ZNF211: variants seen among roughly 807,000 people sequenced by gnomAD.
ZNF211 encodes zinc finger protein C2H2-25.
Under a neutral mutation model 12.1 loss-of-function variants are expected in ZNF211, and 18 were observed. That is an observed-to-expected ratio of 1.48 (90% CI 1.03 to 2.20). The LOEUF (loss-of-function observed/expected upper bound fraction) is 2.20, where lower values mean the gene tolerates loss of function less well. Among genes scored for constraint, ZNF211 ranks in the 30% most tolerant of loss-of-function variants. ZNF211 has a pLI of 0.00. For missense variants in ZNF211, 677 were observed against 703.1 expected (o/e 0.96, Z 0.42); for synonymous variants, 249 against 246.0 (o/e 1.01, Z -0.11).
chr19:57,641,712 G>A lies in ZNF211; in HGVS notation c.1265G>A (p.Ser422Asn). 1 of 1,613,546 alleles carries A rather than the reference G, an allele frequency of 6.2e-7. No individual in the cohort carries two copies. The highest frequency in any genetic ancestry group is 8.5e-7 in the Non-Finnish European group (1 of 1,179,910). The change falls in exon 4 of 4, where the codon AGC (serine) becomes AAC (asparagine). Residue 422 changes from serine (S) to asparagine (N), a missense_variant. Physicochemically the swap from Ser to Asn is conservative, Grantham distance 46 (BLOSUM62 1). Coordinates refer to ENST00000240731, the MANE Select transcript of ZNF211 (RefSeq NM_006385.5). ...CNECGKSFSRSSSLIHHRRLH... is the reference protein window; with the variant it reads ...CNECGKSFSRNSSLIHHRRLH... ...GAATGTGGAAAATCCTTTAGCCGAAGCTCCAGCCTCATTCACCACCGGAGA... is the reference window on the plus strand; with the variant it reads ...GAATGTGGAAAATCCTTTAGCCGAAACTCCAGCCTCATTCACCACCGGAGA...
chr19:57,637,634 T>C (rs192411997), intron 3 of ZNF211, among the ~76,000 whole-genome samples: 156 of 152,320 alleles, frequency 1.0e-3, no homozygotes, highest in Admixed American at 2.1e-3. Context: ...TAATATGCTG[T>C]TGAATTCAGT....
chr19:57,641,264 A>G lies in ZNF211; in HGVS notation c.817A>G (p.Ser273Gly), dbSNP rs1174781163. The G allele has an allele frequency of 1.2e-6, 2 of 1,614,126 alleles. No homozygotes were observed. Among genetic ancestry groups the G allele is most frequent in the African/African-American group, 2.7e-5 (2 of 74,958 alleles). Residue 273 changes from serine (S) to glycine (G), a missense_variant, in exon 4 of 4, where the codon AGT becomes GGT. By Grantham distance (56) the Ser-to-Gly change is moderately conservative. Transcript: ENST00000240731. ...ILTREGLFEC[S>G]KCGKACTRRC... ...CACTAGAGAAGGACTTTTTGAGTGC[A>G]GTAAATGTGGGAAAGCATGTACGCG...
chr19:57,641,345 TGCAA>T lies in ZNF211; in HGVS notation c.899_902del (p.Cys300LeufsTer97). 1 of 1,614,204 alleles carries T rather than the reference TGCAA, an allele frequency of 6.2e-7. No individual in the cohort carries two copies. The highest frequency in any genetic ancestry group is 8.5e-7 in the Non-Finnish European group (1 of 1,180,050). ...CCACAGTGAAGAAAGGCCTTATGAA[TGCAA>T]TGAATGTGGAAAATTCTTTACCTAC... On this transcript the variant is annotated frameshift_variant, in exon 4 of 4. Transcript: ENST00000240731. LOFTEE classifies it low-confidence loss of function (END_TRUNC).
intron 3 of ZNF211, chr19:57,635,060 A>C: frequency 1.5e-6 from 1 of 668,260 alleles, no homozygotes; most frequent in Non-Finnish European, 1.8e-6. Flanking sequence ...CGTGTACCTA[A>C]CATTTATTTG....
At position 57,633,986 on chromosome 19, in the gene ZNF211, A is replaced by G. The variant is rs200629079; in HGVS notation, c.91-37A>G. On this transcript the variant is annotated intron_variant, in intron 1 of 3. Coordinates refer to ENST00000240731, the MANE Select transcript of ZNF211 (RefSeq NM_006385.5). Reference sequence around the variant, plus strand: ...AGGCCTGTGCCCATGGAGCACTGCCATGATCACATTCCTCTGAGGCCTGCG... The same window carrying G: ...AGGCCTGTGCCCATGGAGCACTGCCGTGATCACATTCCTCTGAGGCCTGCG... 114 of 1,597,626 alleles carry G rather than the reference A, an allele frequency of 7.1e-5. No individual in the cohort carries two copies. In the East Asian group the frequency reaches 2.3e-3, roughly 32 times the overall value.
chr19:57,638,067 T>G (rs528368620), intron 3 of ZNF211, among the ~76,000 whole-genome samples: 9 of 152,028 alleles, frequency 5.9e-5, no homozygotes, highest in African/African-American at 2.2e-4. Context: ...CCTGGCTAAT[T>G]TTTGTATTCT....
Position 57,640,940 on chromosome 19 carries a change from C to G in ZNF211, c.493C>G (p.Gln165Glu). Residue 165 changes from glutamine to glutamate, a missense_variant, in exon 4 of 4, where the codon CAG becomes GAG. Gln to Glu is a conservative substitution (Grantham distance 29, BLOSUM62 2). Coordinates refer to ENST00000240731, the MANE Select transcript of ZNF211 (RefSeq NM_006385.5). ...ATTCTACATCAGTGCAAATCTTCAA[C>G]AGCACCAGAGGCAGCACATTACAGA... The part of the protein sequence containing the change: ...KQFYISANLQ[Q>E]HQRQHITEAP... The G allele has an allele frequency of 6.2e-7, 1 of 1,614,218 alleles. No homozygotes were observed. Among genetic ancestry groups the G allele is most frequent in the Non-Finnish European group, 8.5e-7 (1 of 1,180,046 alleles).
Position 57,640,835 on chromosome 19 carries a change from C to G in ZNF211, c.388C>G (p.Leu130Val). ...QNADSCEICC[L>V]VLRDILHLAE... ...TGCCGACTCCTGTGAAATATGTTGCCTGGTCTTGAGAGATATTTTGCACTT... is the reference window on the plus strand; with the variant it reads ...TGCCGACTCCTGTGAAATATGTTGCGTGGTCTTGAGAGATATTTTGCACTT... Residue 130 changes from leucine (L) to valine (V), a missense_variant, in exon 4 of 4, where the codon CTG becomes GTG. By Grantham distance (32) the Leu-to-Val change is conservative. Transcript: ENST00000240731. 6.2e-7 allele frequency: 1 copy of G among 1,614,190 alleles called. No individual in the cohort carries two copies. The highest frequency in any genetic ancestry group is 8.5e-7 in the Non-Finnish European group (1 of 1,180,038).
At chr19:57,636,880 A>C (rs1982214039) in intron 3 of ZNF211, among the ~76,000 whole-genome samples, 1 of 152,162 alleles carries the variant, frequency 6.6e-6, no homozygotes. Context: ...TATTTAATTC[A>C]TTTTAGCAAA....
chr19:57,633,319 C>A lies in ZNF211; in HGVS notation c.-28C>A. The A allele has an allele frequency of 6.5e-7, 1 of 1,543,620 alleles. No homozygotes were observed. Among genetic ancestry groups the A allele is most frequent in the Non-Finnish European group, 8.7e-7 (1 of 1,147,598 alleles). On this transcript the variant is annotated 5_prime_UTR_variant, in exon 1 of 4. Coordinates refer to ENST00000240731, the MANE Select transcript of ZNF211 (RefSeq NM_006385.5). Reference sequence around the variant, plus strand: ...CAGGTCTGAGGGTCGGGGGCAGAGCCGCCCGCGAGGCCGGCCTGGGGATAG... The same window carrying A: ...CAGGTCTGAGGGTCGGGGGCAGAGCAGCCCGCGAGGCCGGCCTGGGGATAG...
rs1237451052 is a variant in ZNF211, at chr19:57,641,961, G to A, written c.1514G>A (p.Cys505Tyr). The change falls in exon 4 of 4, where the codon TGT becomes TAT. Residue 505 changes from cysteine to tyrosine, a missense_variant. Physicochemically the swap from Cys to Tyr is radical, Grantham distance 194. Coordinates refer to ENST00000240731, the MANE Select transcript of ZNF211 (RefSeq NM_006385.5). ...ECSECSKSFS[C>Y]KSNLIKHLRV... Reference sequence around the variant, plus strand: ...AGTGAATGTAGCAAATCCTTTAGCTGTAAATCTAACCTCATTAAACACCTG... The same window carrying A: ...AGTGAATGTAGCAAATCCTTTAGCTATAAATCTAACCTCATTAAACACCTG... The A allele has an allele frequency of 1.2e-6, 2 of 1,612,968 alleles. No individual in the cohort carries two copies. The highest frequency in any genetic ancestry group is 2.7e-5 in the African/African-American group (2 of 74,582).
rs746511165 is a variant in ZNF211 at position 57,641,022 on chromosome 19, A to G, written c.575A>G (p.His192Arg). ...TCGTTTACACAGAGTTGCATAGTCC[A>G]TGTGTCGGAGAAACCCTTTACCTGC... ...TASFTQSCIV[H>R]VSEKPFTCRE... The change falls in exon 4 of 4, where the codon CAT becomes CGT. Residue 192 changes from histidine (H) to arginine (R), a missense_variant. His to Arg is a conservative substitution (Grantham distance 29). Coordinates refer to ENST00000240731, the MANE Select transcript of ZNF211 (RefSeq NM_006385.5). 12 of 1,614,112 alleles carry G rather than the reference A, an allele frequency of 7.4e-6. No homozygotes were observed. The highest frequency in any genetic ancestry group is 3.3e-5 in the Admixed American group (2 of 60,010).
intron 1 of ZNF211, chr19:57,633,712 G>A: frequency 6.5e-7 from 1 of 1,533,444 alleles, no homozygotes; most frequent in Non-Finnish European, 8.7e-7. Context: ...TTTATTCTTA[G>A]GGCCGTGGGA....
At chr19:57,637,368 C>G (rs1982272665) in intron 3 of ZNF211, among the ~76,000 whole-genome samples, 1 of 151,708 alleles carries the variant, frequency 6.6e-6, no homozygotes, top group African/African-American at 2.4e-5. Context: ...AGTGTTTTCC[C>G]CACGAAAAAG....
intron 3 of ZNF211, among the ~76,000 whole-genome samples, chr19:57,636,183 T>C (rs1003897492): frequency 3.9e-5 from 6 of 152,190 alleles, no homozygotes; most frequent in African/African-American, 1.4e-4. Flanking sequence ...TTTTCTCTTA[T>C]TCTGTGGGTT....
In ZNF211 at chr19:57,641,208, T is replaced by C; in HGVS notation, c.761T>C (p.Ile254Thr). Residue 254 changes from isoleucine (I) to threonine (T), a missense_variant, in exon 4 of 4, where the codon ATA (isoleucine) becomes ACA (threonine). Coordinates refer to ENST00000240731, the MANE Select transcript of ZNF211 (RefSeq NM_006385.5). ...AAATGCAGTAAAGCCTTTAGCCACA[T>C]AGACACACTTGTTCAGGACCAGAGA... ...WGKCSKAFSHIDTLVQDQRIL... is the reference protein window; with the variant it reads ...WGKCSKAFSHTDTLVQDQRIL... 6.2e-7 allele frequency: 1 copy of C among 1,614,190 alleles called. No individual in the cohort carries two copies. The highest frequency in any genetic ancestry group is 8.5e-7 in the Non-Finnish European group (1 of 1,180,032).
Position 57,633,435 on chromosome 19 carries a change from C to A in ZNF211, c.89C>A (p.Ser30Ter), listed in dbSNP as rs374691145. ...RMATALRDPA[S>*]VPIATEVLFK... ...GCGACCGCACTGAGGGACCCGGCTT[C>A]GGTGAGCGCTGCGATCTCCGGGCCT... Residue 30 changes from serine to a stop codon, truncating the protein, a stop_gained and splice_region_variant, in exon 1 of 4, where the codon TCG becomes TAG. Coordinates refer to ENST00000240731, the MANE Select transcript of ZNF211 (RefSeq NM_006385.5). LOFTEE classifies it high-confidence loss of function. 1.0e-5 allele frequency: 16 copies of A among 1,597,632 alleles called. No individual in the cohort carries two copies. The highest frequency in any genetic ancestry group is 1.1e-5 in the Non-Finnish European group (13 of 1,176,900).
chr19:57,642,452 C>T lies in ZNF211; in HGVS notation c.*271C>T, dbSNP rs1983104672. The stretch of plus-strand genomic sequence containing the variant: ...ATGTCTACCACCTGTGAGGTCCACA[C>T]AGTGTGTATCATTTACCTCCTGAAC... On this transcript the variant is annotated 3_prime_UTR_variant, in exon 4 of 4. Coordinates refer to ENST00000240731, the MANE Select transcript of ZNF211 (RefSeq NM_006385.5). The T allele has an allele frequency of 2.6e-6, 1 of 389,452 alleles. No individual in the cohort carries two copies. Among genetic ancestry groups the T allele is most frequent in the African/African-American group, 2.0e-5 (1 of 50,136 alleles). The allele number at this position is 389,452 out of a possible 1,614,324, so 24.1% of individuals were successfully genotyped here.
intron 2 of ZNF211, among the ~76,000 whole-genome samples, 160 bp from the exon 3 acceptor site, chr19:57,634,468 CA>C (rs1981881729): frequency 6.6e-6 from 1 of 152,160 alleles, no homozygotes; most frequent in African/African-American, 2.4e-5. Context: ...AGAATGAACA[CA>C]GTGACTAATG....
Sources: gnomAD v4.1 joint callset for allele counts (sites outside exome capture counted in the v4.1 genomes callset) on GRCh38, gnomAD v4.1.1 for gene constraint, MANE v1.5 for transcripts, NCBI Gene and HGNC (gene_info 2026-07-23, HGNC 2026-07-21) for gene names.